ADAMTS13: variants seen among roughly 807,000 people sequenced by gnomAD.
The protein encoded by ADAMTS13 is A disintegrin and metalloproteinase with thrombospondin motifs 13.
In ADAMTS13, 110 loss-of-function variants were observed where a neutral mutation model predicts 155.1. The observed-to-expected ratio is 0.71, with a 90% CI of 0.61 to 0.83. ADAMTS13 has a LOEUF of 0.83. Among genes scored for constraint, ADAMTS13 ranks in the 40% least tolerant of loss-of-function variants. The pLI, the probability that ADAMTS13 is intolerant of heterozygous loss-of-function variation, is 0.00. For synonymous variants in ADAMTS13, 758 were observed against 756.4 expected, an observed-to-expected ratio of 1.00 and a Z score of -0.03; for missense variants, 1,707 against 1,891.7, an observed-to-expected ratio of 0.90 and a Z score of 1.81.
intron 9 of ADAMTS13, 26 bp from the exon 10 acceptor site, chr9:133,433,352 G>A: frequency 6.2e-7 from 1 of 1,611,816 alleles, no homozygotes; most frequent in Non-Finnish European, 8.5e-7. Flanking sequence ...TGTGGGATGG[G>A]AGATGAAGCC....
upstream of ADAMTS13, among the ~76,000 whole-genome samples, chr9:133,420,005 A>G (rs1324838566): frequency 6.6e-6 from 1 of 152,104 alleles, no homozygotes; most frequent in Non-Finnish European, 1.5e-5. Context: ...CCCGGGTTCA[A>G]GTGATTCTTC....
rs1554789245 is a variant in ADAMTS13 at position 133,436,940 on chromosome 9, G to A, written c.1420G>A (p.Val474Ile). The change falls in exon 12 of 29, where the codon GTA becomes ATA. Residue 474 changes from valine (V) to isoleucine (I), a missense_variant. Transcript: ENST00000355699. ...GASFYHWGAA[V>I]PHSQGDALCR... ...CTCCTTCTACCACTGGGGTGCTGCT[G>A]TACCACACAGCCAAGGTGGGGCCTG... The A allele has an allele frequency of 1.3e-6, 2 of 1,596,078 alleles. No homozygotes were observed. The highest frequency in any genetic ancestry group is 2.3e-5 in the South Asian group (2 of 87,952).
chr9:133,429,969 G>A lies in ADAMTS13; in HGVS notation c.855G>A (p.Pro285=). Residue 285 remains proline (P), a synonymous_variant, in exon 8 of 29, where the codon CCG becomes CCA. Coordinates refer to ENST00000355699, the MANE Select transcript of ADAMTS13 (RefSeq NM_139027.6). The part of the protein sequence containing the change: ...SAGRARCVWD[P]PRPQPGSAGH... ...GACGGGCGCGCTGCGTGTGGGACCCGCCGCGGCCTCAACCCGGGTCCGCGG... is the reference window on the plus strand; with the variant it reads ...GACGGGCGCGCTGCGTGTGGGACCCACCGCGGCCTCAACCCGGGTCCGCGG... 6.5e-7 allele frequency: 1 copy of A among 1,541,912 alleles called. No individual in the cohort carries two copies. Among genetic ancestry groups the A allele is most frequent in the Non-Finnish European group, 8.7e-7 (1 of 1,148,384 alleles).
At chr9:133,438,937 G>C (rs1316443064) in intron 14 of ADAMTS13, among the ~76,000 whole-genome samples, 2 of 150,676 alleles carry the variant, frequency 1.3e-5, no homozygotes, top group African/African-American at 4.9e-5. Flanking sequence ...AAGTATGGAC[G>C]TTGTGCATTC....
At chr9:133,434,053 G>T (rs1183778932) in intron 11 of ADAMTS13, among the ~76,000 whole-genome samples, 4 of 151,574 alleles carry the variant, frequency 2.6e-5, no homozygotes, top group Non-Finnish European at 5.9e-5. Flanking sequence ...CCGAGATTGG[G>T]CCATTGCACT....
Position 133,425,670 on chromosome 9 carries a change from A to G in ADAMTS13, c.414+58A>G. 1.3e-6 allele frequency: 2 copies of G among 1,561,042 alleles called. No homozygotes were observed. The highest frequency in any genetic ancestry group is 1.8e-6 in the Non-Finnish European group (2 of 1,142,164). On this transcript the variant is annotated intron_variant, in intron 4 of 28. Transcript: ENST00000355699. The surrounding 1 kb of genome is among the most constrained non-coding windows in gnomAD (Gnocchi z 4.6). ...CAGAGCGGGAAGCCCAAGTCATCGCATCTCCATCCTCTTTAACCTCTTGTC... is the reference window on the plus strand; with the variant it reads ...CAGAGCGGGAAGCCCAAGTCATCGCGTCTCCATCCTCTTTAACCTCTTGTC...
chr9:133,420,045 C>T (rs904149516), upstream of ADAMTS13, among the ~76,000 whole-genome samples: 2 of 152,206 alleles, frequency 1.3e-5, no homozygotes, highest in Non-Finnish European at 2.9e-5. Context: ...GCTGGGATTA[C>T]AGGCATGTGC....
rs3118667 is a variant in ADAMTS13 at position 133,425,943 on chromosome 9, T to C, written c.420T>C (p.Ala140=). 0.47 allele frequency: 759,113 copies of C among 1,613,002 alleles called. 182,900 individuals are homozygous for C. Among genetic ancestry groups the C allele is most frequent in the African/African-American group, 0.52 (38,678 of 74,900 alleles). The change falls in exon 5 of 29, where the codon GCT becomes GCC. Residue 140 remains alanine, a synonymous_variant. Coordinates refer to ENST00000355699, the MANE Select transcript of ADAMTS13 (RefSeq NM_139027.6). The surrounding 1 kb of genome is among the most constrained non-coding windows in gnomAD (Gnocchi z 4.6). ...KMVILTEPEG[A]PNITANLTSS... ...GCTTTGCTGTGGGTCCGCAGGGTGC[T>C]CCAAATATCACAGCCAACCTCACCT...
intron 2 of ADAMTS13, 29 bp downstream of exon 2, chr9:133,423,196 G>A: frequency 6.2e-7 from 1 of 1,607,844 alleles, no homozygotes; most frequent in Non-Finnish European, 8.5e-7. Flanking sequence ...TCTCTCCCGG[G>A]GGGAGTTTCT....
chr9:133,445,850 A>C lies in ADAMTS13; in HGVS notation c.2731+31A>C, dbSNP rs1554792467. 6.5e-7 allele frequency: 1 copy of C among 1,544,050 alleles called. No homozygotes were observed. The highest frequency in any genetic ancestry group is 2.3e-5 in the East Asian group (1 of 43,938). On this transcript the variant is annotated intron_variant, in intron 21 of 28. Coordinates refer to ENST00000355699, the MANE Select transcript of ADAMTS13 (RefSeq NM_139027.6). This position sits in a 1 kb window ranked among gnomAD's most constrained non-coding sequence, Gnocchi z 5.0. The stretch of plus-strand genomic sequence containing the variant: ...GGCCCCCGGGATGCTCCTGGGGACC[A>C]GCACTCATGGTAACTCTCCTGTCCA...
At chr9:133,435,615 C>T (rs1554788767) in intron 11 of ADAMTS13, among the ~76,000 whole-genome samples, 2 of 151,676 alleles carry the variant, frequency 1.3e-5, no homozygotes, top group African/African-American at 2.4e-5. Flanking sequence ...CTCTAAGCTC[C>T]GCCTCCCAGG....
At position 133,424,890 on chromosome 9, in the gene ADAMTS13, CTG is replaced by C. The variant is rs1840178326; in HGVS notation, c.330+413_330+414del. 6.6e-6 allele frequency among the ~76,000 whole-genome samples: 1 copy of C among 152,240 alleles called. No homozygotes were observed. The highest frequency in any genetic ancestry group is 1.5e-5 in the Non-Finnish European group (1 of 68,046). ...AGAGTGGCGAGGACAGGTCACCCGT[CTG>C]AAGTCTAAACAGAGACTGCTGGCAA... is the stretch of plus-strand genomic sequence containing the variant. On this transcript the variant is annotated intron_variant, in intron 3 of 28. Coordinates refer to ENST00000355699, the MANE Select transcript of ADAMTS13 (RefSeq NM_139027.6). This position sits in a 1 kb window ranked among gnomAD's most constrained non-coding sequence, Gnocchi z 4.3.
In ADAMTS13 at chr9:133,440,540, C is replaced by A; in HGVS notation, c.1968+15C>A. 5 of 1,585,098 alleles carry A rather than the reference C, an allele frequency of 3.2e-6. No homozygotes were observed. Among genetic ancestry groups the A allele is most frequent in the Non-Finnish European group, 4.3e-6 (5 of 1,162,328 alleles). On this transcript the variant is annotated intron_variant, in intron 16 of 28. Coordinates refer to ENST00000355699, the MANE Select transcript of ADAMTS13 (RefSeq NM_139027.6). This position sits in a 1 kb window ranked among gnomAD's most constrained non-coding sequence, Gnocchi z 4.3. ...CTGACATCCAGGTCAGCAGGAGAGCCTGGGGGAGGCCAGTGGGGGCTTCTT... is the reference window on the plus strand; with the variant it reads ...CTGACATCCAGGTCAGCAGGAGAGCATGGGGGAGGCCAGTGGGGGCTTCTT...
chr9:133,445,229 G>A lies in ADAMTS13; in HGVS notation c.2610+177G>A, dbSNP rs1006931976. Among the ~76,000 whole-genome samples the A allele has an allele frequency of 1.3e-5, 2 of 152,206 alleles. No individual in the cohort carries two copies. Among genetic ancestry groups the A allele is most frequent in the African/African-American group, 4.8e-5 (2 of 41,464 alleles). On this transcript the variant is annotated intron_variant, in intron 20 of 28. Transcript: ENST00000355699. This position sits in a 1 kb window ranked among gnomAD's most constrained non-coding sequence, Gnocchi z 5.0. ...AAGAAGCTTAGAAAGAGGGCTCAGG[G>A]CCCCTGGGAAGGCTCCCATTCCCCT...
intron 22 of ADAMTS13, among the ~76,000 whole-genome samples, chr9:133,449,131 T>C (rs1289305847): frequency 6.6e-6 from 1 of 152,094 alleles, no homozygotes; most frequent in African/African-American, 2.4e-5. Flanking sequence ...ACATGCTAAA[T>C]GCAATGAGTG....
At chr9:133,446,385 C>T (rs1387497611) in intron 21 of ADAMTS13, among the ~76,000 whole-genome samples, 2 of 152,204 alleles carry the variant, frequency 1.3e-5, no homozygotes, top group Non-Finnish European at 2.9e-5. Flanking sequence ...TCCTTTCTGT[C>T]TCCAGATTCC....
rs141056078 is a variant in ADAMTS13 at position 133,456,099 on chromosome 9, C to A, written c.3431C>A (p.Thr1144Lys). The stretch of plus-strand genomic sequence containing the variant: ...TGTGGCAGGCAGCACCTTGAGCCAA[C>A]AGGAACCATTGACATGCGAGGCCCA... ...GACGRQHLEP[T>K]GTIDMRGPGQ... is the part of the protein sequence containing the mutation. Residue 1144 changes from threonine to lysine, a missense_variant, in exon 26 of 29, where the codon ACA (threonine) becomes AAA (lysine). By Grantham distance (78) the Thr-to-Lys change is moderately conservative. Transcript: ENST00000355699. The surrounding 1 kb of genome is among the most constrained non-coding windows in gnomAD (Gnocchi z 4.4). 6.8e-6 allele frequency: 11 copies of A among 1,613,202 alleles called. No individual in the cohort carries two copies. In the African/African-American group the frequency reaches 1.5e-4, roughly 22 times the overall value.
rs782464030 is a variant in ADAMTS13, at chr9:133,425,607, C to G, written c.409C>G (p.Pro137Ala). The change falls in exon 4 of 29, where the codon CCT (proline) becomes GCT (alanine). Residue 137 changes from proline (P) to alanine (A), a missense_variant. Coordinates refer to ENST00000355699, the MANE Select transcript of ADAMTS13 (RefSeq NM_139027.6). The surrounding 1 kb of genome is among the most constrained non-coding windows in gnomAD (Gnocchi z 4.6). ...GGTGAAGATGGTCATTCTGACAGAGCCTGAGGTAGGCATGGAGCTGGAACT... is the reference window on the plus strand; with the variant it reads ...GGTGAAGATGGTCATTCTGACAGAGGCTGAGGTAGGCATGGAGCTGGAACT... ...HLVKMVILTE[P>A]EGAPNITANL... is the part of the protein sequence containing the mutation. 1.9e-6 allele frequency: 3 copies of G among 1,613,426 alleles called. No individual in the cohort carries two copies. The highest frequency in any genetic ancestry group is 1.1e-5 in the South Asian group (1 of 90,994).
rs1554789986 is a variant in ADAMTS13 at position 133,439,223 on chromosome 9, C to A, written c.1706-143C>A. The A allele has an allele frequency of 6.9e-6, 5 of 728,032 alleles. No individual in the cohort carries two copies. The African/African-American group carries it at 6.9e-5, about 10-fold the overall frequency. 45.1% of individuals were successfully genotyped at this position (728,032 alleles called of 1,614,324 possible). On this transcript the variant is annotated intron_variant, in intron 14 of 28. Transcript: ENST00000355699. ...TGGTCCTCCAGCCTGCTTTTAATTG[C>A]CCCCATGACAGGGGACTCACTGCTG...
Sources: allele counts gnomAD v4.1 joint callset (sites outside exome capture counted in the v4.1 genomes callset), GRCh38; gene constraint gnomAD v4.1.1; non-coding constraint Gnocchi (gnomAD v3.1); transcripts MANE v1.5; gene names NCBI Gene and HGNC (gene_info 2026-07-23, HGNC 2026-07-21).